The following DLGAP1 variants were observed in gnomAD, a reference collection of about 807,000 sequenced individuals.
DLGAP1 encodes DLG associated protein 1.
Under a neutral mutation model 90.8 loss-of-function variants are expected in DLGAP1, and 11 were observed. That is an observed-to-expected ratio of 0.12 (90% confidence interval 0.08 to 0.20). The LOEUF (loss-of-function observed/expected upper bound fraction) is 0.20, where lower values mean the gene tolerates loss of function less well. DLGAP1 is among the 10% of genes least tolerant of loss of function. The probability of loss-of-function intolerance (pLI) is 1.00; values close to 1 mark genes in which losing one functional copy is unlikely to be tolerated. For missense variants in DLGAP1, 1,050 were observed against 1,333.8 expected (o/e 0.79, Z 3.31); for synonymous variants, 558 against 540.7 (o/e 1.03, Z -0.44).
intron 3 of DLGAP1, among the ~76,000 whole-genome samples, chr18:3,890,955 T>G (rs1417072085): frequency 6.6e-6 from 1 of 152,218 alleles, no homozygotes; most frequent in African/African-American, 2.4e-5. Flanking sequence ...CCAAATAGTC[T>G]TTGACTGTAC....
intron 2 of DLGAP1, among the ~76,000 whole-genome samples, chr18:4,037,960 A>C (rs967386645): frequency 6.6e-6 from 1 of 152,234 alleles, no homozygotes; most frequent in South Asian, 2.1e-4. Flanking sequence ...ACTCCGTCTC[A>C]AAAACAAAAA....
At position 3,512,653 on chromosome 18, in the gene DLGAP1, C is replaced by T. The variant is rs1368751428; in HGVS notation, c.2480-3992G>A. Among the ~76,000 whole-genome samples the T allele has an allele frequency of 4.6e-5, 7 of 152,188 alleles. No homozygotes were observed. In the South Asian group the frequency reaches 1.0e-3, roughly 22 times the overall value. On this transcript the variant is annotated intron_variant, in intron 10 of 12. Coordinates refer to ENST00000315677, the MANE Select transcript of DLGAP1 (RefSeq NM_004746.4). ...ACAAACAGGCATCTAATTAGATCCTCGCAGGACCCTGTGAGGCAGAGCAGA... is the reference window on the plus strand; with the variant it reads ...ACAAACAGGCATCTAATTAGATCCTTGCAGGACCCTGTGAGGCAGAGCAGA...
At chr18:4,019,405 C>T (rs2074573217) in intron 2 of DLGAP1, among the ~76,000 whole-genome samples, 1 of 152,004 alleles carries the variant, frequency 6.6e-6, no homozygotes, top group Non-Finnish European at 1.5e-5. Flanking sequence ...TGATTAAAAG[C>T]TTATAAATAC....
intron 3 of DLGAP1, among the ~76,000 whole-genome samples, chr18:3,966,712 G>A (rs1261248100): frequency 6.6e-6 from 1 of 152,214 alleles, no homozygotes; most frequent in Non-Finnish European, 1.5e-5. Context: ...CTTGAGGTAA[G>A]TGAGGATTTT....
chr18:3,785,644 G>A (rs761673775), intron 5 of DLGAP1, among the ~76,000 whole-genome samples: 4 of 152,272 alleles, frequency 2.6e-5, no homozygotes, highest in East Asian at 1.9e-4. Context: ...GAATGAACCT[G>A]GGAGGTATTG....
intron 7 of DLGAP1, among the ~76,000 whole-genome samples, chr18:3,658,395 A>G (rs1164391971): frequency 1.3e-5 from 2 of 152,234 alleles, no homozygotes; most frequent in Non-Finnish European, 2.9e-5. Context: ...CACCACTGCC[A>G]TAACTGATGC....
chr18:3,631,983 C>T (rs1293679824), intron 7 of DLGAP1, among the ~76,000 whole-genome samples: 2 of 152,022 alleles, frequency 1.3e-5, no homozygotes, highest in Non-Finnish European at 2.9e-5. Context: ...TCTCCGTTGC[C>T]CAAGCTGGCC....
chr18:3,512,132 G>A (rs2050582268), intron 10 of DLGAP1, among the ~76,000 whole-genome samples: 1 of 151,872 alleles, frequency 6.6e-6, no homozygotes, highest in African/African-American at 2.4e-5. Context: ...ATCTCCCTTA[G>A]GGCACATTCA....
intron 1 of DLGAP1, among the ~76,000 whole-genome samples, chr18:4,303,927 A>G (rs1296237416): frequency 6.6e-6 from 1 of 152,240 alleles, no homozygotes; most frequent in Non-Finnish European, 1.5e-5. Context: ...AAAGTGCTCA[A>G]GAGAAGATGA....
At chr18:3,629,696 A>T (rs2058453785) in intron 7 of DLGAP1, among the ~76,000 whole-genome samples, 1 of 151,264 alleles carries the variant, frequency 6.6e-6, no homozygotes. Flanking sequence ...TAAATAAATA[A>T]AAATAAATAA....
Position 3,656,225 on chromosome 18 carries a change from T to C in DLGAP1, c.1591+72910A>G. On this transcript the variant is annotated intron_variant, in intron 7 of 12. Coordinates refer to ENST00000315677, the MANE Select transcript of DLGAP1 (RefSeq NM_004746.4). ...TGGATTTTTCTTTTTCTGCTGGCAT[T>C]GCAAGAACGTAACTAAACAAATATC... 3 of 825,020 alleles carry C rather than the reference T, an allele frequency of 3.6e-6. No individual in the cohort carries two copies. The South Asian group carries it at 6.4e-5, about 18-fold the overall frequency. 51.1% of individuals were successfully genotyped at this position (825,020 alleles called of 1,614,324 possible).
chr18:3,584,516 T>A lies in DLGAP1; in HGVS notation c.1592-2268A>T, dbSNP rs548909013. Reference sequence around the variant, plus strand: ...TCAGTGGCCTATGATTTGGAGTAATTTCCTTAACCATAAAATAGATGGAGA... The same window carrying A: ...TCAGTGGCCTATGATTTGGAGTAATATCCTTAACCATAAAATAGATGGAGA... On this transcript the variant is annotated intron_variant, in intron 7 of 12. Coordinates refer to ENST00000315677, the MANE Select transcript of DLGAP1 (RefSeq NM_004746.4). Among the ~76,000 whole-genome samples, 21 of 152,310 alleles carry A rather than the reference T, an allele frequency of 1.4e-4. 1 individual carries two copies. The highest frequency in any genetic ancestry group is 5.1e-4 in the African/African-American group (21 of 41,570).
chr18:3,571,038 C>T (rs541097294), intron 8 of DLGAP1, among the ~76,000 whole-genome samples: 3 of 151,846 alleles, frequency 2.0e-5, no homozygotes, highest in African/African-American at 7.2e-5. Flanking sequence ...TTGTCAAGCT[C>T]GTCCTGTTAG....
At chr18:4,248,343 T>TGGA (rs2078698210) in intron 1 of DLGAP1, among the ~76,000 whole-genome samples, 1 of 152,214 alleles carries the variant, frequency 6.6e-6, no homozygotes, top group African/African-American at 2.4e-5. Context: ...ATTGACTCGT[T>TGGA]GGAGTCTGTA....
intron 1 of DLGAP1, among the ~76,000 whole-genome samples, chr18:4,450,523 T>C (rs2083796566): frequency 1.3e-5 from 2 of 152,180 alleles, no homozygotes; most frequent in South Asian, 4.1e-4. Context: ...CTCTGAGCCC[T>C]CCTAGTGCAG....
intron 1 of DLGAP1, among the ~76,000 whole-genome samples, chr18:4,333,889 C>T (rs1035785574): frequency 4.0e-5 from 6 of 151,122 alleles, no homozygotes; most frequent in African/African-American, 7.3e-5. Context: ...CGTGAGCCAC[C>T]GCGCCCGGCC....
intron 11 of DLGAP1, among the ~76,000 whole-genome samples, chr18:3,505,542 G>A (rs1184563583): frequency 6.6e-6 from 1 of 150,872 alleles, no homozygotes; most frequent in Non-Finnish European, 1.5e-5. Flanking sequence ...GGAGGCTGAG[G>A]CAGGAGAATT....
chr18:3,737,539 T>C (rs1230035602), intron 6 of DLGAP1, among the ~76,000 whole-genome samples: 72 of 151,202 alleles, frequency 4.8e-4, no homozygotes, highest in Non-Finnish European at 9.9e-4. Flanking sequence ...ATTATCTCAA[T>C]AGATGCAGAA....
intron 2 of DLGAP1, among the ~76,000 whole-genome samples, chr18:4,015,248 G>T (rs1281120878): frequency 1.3e-5 from 2 of 152,120 alleles, no homozygotes; most frequent in Non-Finnish European, 2.9e-5. Flanking sequence ...GCCCTAGAGG[G>T]TTCTGTCCAT....
Sources: gnomAD v4.1 joint callset for allele counts (sites outside exome capture counted in the v4.1 genomes callset) on GRCh38, gnomAD v4.1.1 for gene constraint, MANE v1.5 for transcripts, NCBI Gene and HGNC (gene_info 2026-07-23, HGNC 2026-07-21) for gene names.